CXADR: variants seen among roughly 807,000 people sequenced by gnomAD.
CXADR encodes coxsackievirus and adenovirus receptor.
Under a neutral mutation model 40.3 loss-of-function variants are expected in CXADR, and 20 were observed. The ratio of observed to expected loss-of-function variants is 0.50; its 90% CI spans 0.35 to 0.72. The LOEUF (loss-of-function observed/expected upper bound fraction) is 0.72. Among genes scored for constraint, CXADR ranks in the 30% least tolerant of loss-of-function variants. The pLI is 0.01. For missense variants in CXADR, 332 were observed against 449.1 expected (o/e 0.74, Z 2.36); for synonymous variants, 150 against 161.3 (o/e 0.93, Z 0.53).
intron 1 of CXADR, among the ~76,000 whole-genome samples, chr21:17,520,407 T>C (rs59660381): frequency 0.25 from 37,423 of 151,992 alleles, 4,867 homozygotes; most frequent in Middle Eastern, 0.39. Flanking sequence ...GAAGTCTAGG[T>C]GGGGCTTGTG....
intron 1 of CXADR, among the ~76,000 whole-genome samples, chr21:17,514,191 G>A (rs1439062847): frequency 6.6e-6 from 1 of 152,042 alleles, no homozygotes; most frequent in Non-Finnish European, 1.5e-5. Flanking sequence ...ACTTAGTATA[G>A]CCTCTGGAAG....
intron 1 of CXADR, among the ~76,000 whole-genome samples, chr21:17,531,934 T>TG (rs909163538): frequency 4.0e-5 from 4 of 99,232 alleles, no homozygotes; most frequent in East Asian, 3.2e-4. Context: ...ATTTGTTTTT[T>TG]GGGTTTTTTT....
At chr21:17,633,922 T>G in the CXADR span, among the ~76,000 whole-genome samples, 1 of 152,226 alleles carries the variant, frequency 6.6e-6, no homozygotes, top group Non-Finnish European at 1.5e-5. Context: ...ATTTATAAAT[T>G]TGTATGCCTG....
intron 1 of CXADR, among the ~76,000 whole-genome samples, chr21:17,539,107 C>G (rs1010165633): frequency 1.3e-4 from 20 of 152,270 alleles, no homozygotes; most frequent in Non-Finnish European, 2.4e-4. Context: ...CATCTGTGAT[C>G]TTATGCAGGG....
downstream of CXADR, among the ~76,000 whole-genome samples, chr21:17,595,838 C>G (rs991594935): frequency 1.3e-4 from 20 of 151,970 alleles, no homozygotes; most frequent in Non-Finnish European, 2.9e-4. Flanking sequence ...AGAAGAGTTA[C>G]ACATTTAACG....
intron 7 of CXADR, among the ~76,000 whole-genome samples, chr21:17,588,341 C>T (rs556790688): frequency 2.1e-3 from 313 of 152,238 alleles, no homozygotes; most frequent in African/African-American, 7.0e-3. Flanking sequence ...GCCATTTTCA[C>T]GATATTGATT....
the CXADR span, chr21:17,613,085 C>G: frequency 6.6e-6 from 1 of 152,182 alleles, no homozygotes; most frequent in South Asian, 2.1e-4. Context: ...GCGACACACC[C>G]TCGCCCTACC....
chr21:17,532,134 T>C (rs1232761604), intron 1 of CXADR, among the ~76,000 whole-genome samples: 6 of 152,044 alleles, frequency 3.9e-5, no homozygotes, highest in African/African-American at 1.4e-4. Flanking sequence ...TGCCTTCCTA[T>C]GTTGCCCAGG....
At chr21:17,528,535 A>T (rs1160009962) in intron 1 of CXADR, among the ~76,000 whole-genome samples, 1 of 151,706 alleles carries the variant, frequency 6.6e-6, no homozygotes, top group East Asian at 1.9e-4. Flanking sequence ...CCTCCCGAGT[A>T]GCTGGGACTA....
the CXADR span, among the ~76,000 whole-genome samples, chr21:17,618,918 G>C: frequency 8.5e-4 from 129 of 152,294 alleles, 1 homozygote; most frequent in Non-Finnish European, 1.4e-3. Flanking sequence ...TTGTGTTAGA[G>C]GGCATGAAAC....
At chr21:17,513,573 C>G (rs1292786276) in intron 1 of CXADR, among the ~76,000 whole-genome samples, 2 of 152,238 alleles carry the variant, frequency 1.3e-5, no homozygotes, top group Non-Finnish European at 2.9e-5. Context: ...ATTTCAAAAA[C>G]CTTGGGCGGC....
intron 1 of CXADR, among the ~76,000 whole-genome samples, chr21:17,517,553 G>A (rs114693833): frequency 6.6e-6 from 1 of 152,218 alleles, no homozygotes; most frequent in African/African-American, 2.4e-5. Context: ...TGAAAAAGAG[G>A]CATTTTTGTA....
chr21:17,547,489 G>A (rs1226630467), intron 2 of CXADR, among the ~76,000 whole-genome samples: 1 of 152,342 alleles, frequency 6.6e-6, no homozygotes, highest in East Asian at 1.9e-4. Context: ...TGACAATCTG[G>A]ATTTGAGGCG....
At chr21:17,586,340 T>G (rs2061395728) in intron 7 of CXADR, among the ~76,000 whole-genome samples, 1 of 149,494 alleles carries the variant, frequency 6.7e-6, no homozygotes, top group Non-Finnish European at 1.5e-5. Context: ...TCTTCCAATA[T>G]TTCCCAAAGC....
At chr21:17,541,490 G>A (rs1367174457) in intron 1 of CXADR, among the ~76,000 whole-genome samples, 2 of 151,970 alleles carry the variant, frequency 1.3e-5, no homozygotes, top group African/African-American at 4.8e-5. Flanking sequence ...CCTGGGAGAC[G>A]GAGCTTGCAG....
the CXADR span, among the ~76,000 whole-genome samples, chr21:17,620,758 G>C: frequency 2.0e-5 from 3 of 152,014 alleles, no homozygotes; most frequent in African/African-American, 7.2e-5. Context: ...TTATTAATCA[G>C]GGTCCTCTAG....
At position 17,566,718 on chromosome 21, in the gene CXADR, C is replaced by T. The variant is rs952668573; in HGVS notation, c.*1026C>T. 1.8e-5 allele frequency: 17 copies of T among 964,394 alleles called. No individual in the cohort carries two copies. Among genetic ancestry groups the T allele is most frequent in the Non-Finnish European group, 2.1e-5 (17 of 811,166 alleles). The allele number at this position is 964,394 out of a possible 1,614,324, so 59.7% of individuals were successfully genotyped here. On this transcript the variant is annotated 3_prime_UTR_variant, in exon 7 of 7. Transcript: ENST00000284878. ...ATTATATGTTCTAGAAACATGTAAT[C>T]CTAAATTTACCCTCTTGAATATAAT...
chr21:17,630,649 TC>T, the CXADR span, among the ~76,000 whole-genome samples: 3 of 93,096 alleles, frequency 3.2e-5, no homozygotes, highest in East Asian at 9.0e-4. Flanking sequence ...TCTTCCTTCT[TC>T]TTTTTTTTTT....
the CXADR span, among the ~76,000 whole-genome samples, chr21:17,624,289 A>G: frequency 1.3e-5 from 2 of 152,348 alleles, no homozygotes; most frequent in East Asian, 3.9e-4. Flanking sequence ...CCACACACTT[A>G]GCAGCTTAAA....
Sources: allele counts gnomAD v4.1 joint callset (sites outside exome capture counted in the v4.1 genomes callset), GRCh38; gene constraint gnomAD v4.1.1; transcripts MANE v1.5; gene names NCBI Gene and HGNC (gene_info 2026-07-23, HGNC 2026-07-21).